Variants in ANKRD62 observed in about 807,000 individuals in gnomAD.
ANKRD62 encodes the protein ankyrin repeat domain 62.
ANKRD62 carries 61 observed loss-of-function variants against 98.8 expected under a neutral mutation model. The observed-to-expected ratio is 0.62, with a 90% CI of 0.50 to 0.76. The LOEUF (loss-of-function observed/expected upper bound fraction) is 0.76, where lower values mean the gene tolerates loss of function less well. Ranked by LOEUF, ANKRD62 falls within the 30% of genes least tolerant of loss-of-function variation. ANKRD62 has a pLI of 0.00. For synonymous variants in ANKRD62, 341 were observed against 367.9 expected, an observed-to-expected ratio of 0.93 and a Z score of 0.84; for missense variants, 933 against 1,082.9, an observed-to-expected ratio of 0.86 and a Z score of 1.94.
At chr18:12,153,323 G>T in the ANKRD62 span, among the ~76,000 whole-genome samples, 3 of 152,126 alleles carry the variant, frequency 2.0e-5, no homozygotes, top group Non-Finnish European at 2.9e-5. Flanking sequence ...AGGCACAGTG[G>T]CTCATGCCTG....
rs1271860182 is a variant in ANKRD62 at position 12,106,642 on chromosome 18, T to C, written c.892-653T>C. Among the ~76,000 whole-genome samples, 8 of 152,210 alleles carry C rather than the reference T, an allele frequency of 5.3e-5. No individual in the cohort carries two copies. The East Asian group carries it at 1.5e-3, about 29-fold the overall frequency. ...CACTGTATATCCTCCAGCTATAAAATGTCATGGTTACTGAATGTGAAATTG... is the reference window on the plus strand; with the variant it reads ...CACTGTATATCCTCCAGCTATAAAACGTCATGGTTACTGAATGTGAAATTG... On this transcript the variant is annotated intron_variant, in intron 7 of 13. Transcript: ENST00000587848.
chr18:12,145,186 C>G, the ANKRD62 span, among the ~76,000 whole-genome samples: 1 of 152,090 alleles, frequency 6.6e-6, no homozygotes, highest in Non-Finnish European at 1.5e-5. Context: ...GGCCTGCACT[C>G]TCTGAAGGCC....
At chr18:12,115,252 C>G in intron 9 of ANKRD62, 131 bp downstream of exon 9, 1 of 1,258,536 alleles carries the variant, frequency 7.9e-7, no homozygotes, top group Non-Finnish European at 1.0e-6. Context: ...ATAAAAGCAC[C>G]CTTTTAACCA....
At position 12,115,085 on chromosome 18, in the gene ANKRD62, TA is replaced by T; in HGVS notation, c.1065-2del. On this transcript the variant is annotated splice_acceptor_variant, in intron 8 of 13. Transcript: ENST00000587848. LOFTEE classifies it high-confidence loss of function. ...GATTGGAATTTTTTGGTTTTTTTTT[TA>T]GGCTTGCAAGGAAAACCTCTAATGA... 7.1e-7 allele frequency: 1 copy of T among 1,400,054 alleles called. No individual in the cohort carries two copies. 86.7% of individuals were successfully genotyped at this position (1,400,054 alleles called of 1,614,324 possible).
At chr18:12,152,687 T>C in the ANKRD62 span, among the ~76,000 whole-genome samples, 11 of 152,110 alleles carry the variant, frequency 7.2e-5, no homozygotes, top group African/African-American at 2.4e-4. Context: ...AAGGATACCC[T>C]CTCTCACCAC....
intron 8 of ANKRD62, among the ~76,000 whole-genome samples, chr18:12,111,429 T>C (rs1909536956): frequency 6.6e-6 from 1 of 152,120 alleles, no homozygotes; most frequent in Admixed American, 6.6e-5. Context: ...GAGCCGTATA[T>C]GACAAACCCA....
downstream of ANKRD62, among the ~76,000 whole-genome samples, chr18:12,133,608 T>C (rs1910038008): frequency 6.6e-6 from 1 of 152,194 alleles, no homozygotes; most frequent in East Asian, 1.9e-4. Flanking sequence ...CATTGTGGTT[T>C]TGATTTGCCT....
chr18:12,140,850 C>G, the ANKRD62 span, among the ~76,000 whole-genome samples: 1 of 152,126 alleles, frequency 6.6e-6, no homozygotes, highest in African/African-American at 2.4e-5. Flanking sequence ...CTCAAGCTGC[C>G]TGCTGGGAGA....
the ANKRD62 span, among the ~76,000 whole-genome samples, chr18:12,169,446 G>A: frequency 9.6e-3 from 1,460 of 152,058 alleles, 26 homozygotes; most frequent in African/African-American, 0.033. Flanking sequence ...ATTGATTTGC[G>A]TATGTTGAAC....
the ANKRD62 span, among the ~76,000 whole-genome samples, chr18:12,150,088 A>G: frequency 5.3e-5 from 8 of 151,738 alleles, no homozygotes; most frequent in Non-Finnish European, 1.2e-4. Flanking sequence ...CCACCATAGG[A>G]AAAAAAAACA....
chr18:12,160,143 G>T, the ANKRD62 span, among the ~76,000 whole-genome samples: 12 of 152,132 alleles, frequency 7.9e-5, no homozygotes, highest in Non-Finnish European at 1.5e-4. Flanking sequence ...GTAATTAATA[G>T]TGCCGTTTGG....
intron 10 of ANKRD62, among the ~76,000 whole-genome samples, chr18:12,120,844 C>CA (rs766080419): frequency 6.6e-6 from 1 of 152,144 alleles, no homozygotes; most frequent in Non-Finnish European, 1.5e-5. Flanking sequence ...TAACCTATCA[C>CA]AGTCTACCTT....
At chr18:12,139,516 G>A in the ANKRD62 span, among the ~76,000 whole-genome samples, 4 of 152,032 alleles carry the variant, frequency 2.6e-5, no homozygotes, top group Admixed American at 2.6e-4. Flanking sequence ...CGTGGTGGCA[G>A]GCACCTGTAG....
intron 7 of ANKRD62, among the ~76,000 whole-genome samples, chr18:12,103,687 C>G (rs78287914): frequency 1.8e-4 from 28 of 152,106 alleles, no homozygotes; most frequent in African/African-American, 6.5e-4. Context: ...ATTTCAATAT[C>G]TATGTTCAGG....
chr18:12,101,646 T>G (rs1258992575), intron 6 of ANKRD62, among the ~76,000 whole-genome samples: 2 of 152,114 alleles, frequency 1.3e-5, no homozygotes, highest in Admixed American at 6.6e-5. Flanking sequence ...AAAACAGAAA[T>G]TTGATCATAT....
intron 6 of ANKRD62, among the ~76,000 whole-genome samples, chr18:12,100,183 T>C (rs1909268956): frequency 6.6e-6 from 1 of 152,216 alleles, no homozygotes; most frequent in Non-Finnish European, 1.5e-5. Flanking sequence ...TGACTTATTG[T>C]TGACTAGAAA....
the ANKRD62 span, among the ~76,000 whole-genome samples, chr18:12,140,943 C>G: frequency 6.6e-6 from 1 of 152,232 alleles, no homozygotes; most frequent in South Asian, 2.1e-4. Context: ...CTGTGCCCAG[C>G]CCCCAGAGGT....
the ANKRD62 span, among the ~76,000 whole-genome samples, chr18:12,141,329 C>T: frequency 2.0e-5 from 3 of 152,220 alleles, no homozygotes; most frequent in African/African-American, 7.2e-5. Context: ...CGCCCTGCTT[C>T]AGCTCACACA....
At chr18:12,103,070 T>C (rs1029589636) in intron 6 of ANKRD62, 88 bp from the exon 7 acceptor site, 3 of 928,594 alleles carry the variant, frequency 3.2e-6, no homozygotes, top group South Asian at 8.0e-5. Flanking sequence ...AAGAAAAATA[T>C]GTTATTTTCT....
Sources: allele counts gnomAD v4.1 joint callset (sites outside exome capture counted in the v4.1 genomes callset), GRCh38; gene constraint gnomAD v4.1.1; transcripts MANE v1.5; gene names NCBI Gene and HGNC (gene_info 2026-07-23, HGNC 2026-07-21).